The following ENAH variants were observed in gnomAD, a reference collection of about 807,000 sequenced individuals.
ENAH encodes the protein protein enabled homolog.
Under a neutral mutation model 78.7 loss-of-function variants are expected in ENAH, and 23 were observed. The observed-to-expected ratio is 0.29, with a 90% CI of 0.21 to 0.41. The LOEUF (loss-of-function observed/expected upper bound fraction) is 0.41, where lower values mean the gene tolerates loss of function less well. Ranked by LOEUF, ENAH falls within the 10% of genes least tolerant of loss-of-function variation. The pLI is 1.00. For synonymous variants in ENAH, 226 were observed against 241.0 expected, an observed-to-expected ratio of 0.94 and a Z score of 0.58; for missense variants, 544 against 691.0, an observed-to-expected ratio of 0.79 and a Z score of 2.39.
chr1:225,601,157 C>G (rs1053977685), intron 1 of ENAH, among the ~76,000 whole-genome samples: 1 of 152,160 alleles, frequency 6.6e-6, no homozygotes, highest in South Asian at 2.1e-4. Context: ...CAACTCTGTT[C>G]AGACTACTGA....
At chr1:225,562,335 G>A (rs2096710497) in intron 2 of ENAH, among the ~76,000 whole-genome samples, 1 of 151,896 alleles carries the variant, frequency 6.6e-6, no homozygotes, top group African/African-American at 2.4e-5. Flanking sequence ...CACTTTGGGA[G>A]GCTGAGGCGG....
chr1:225,497,913 C>G (rs1575284656), intron 13 of ENAH, 101 bp from the exon 14 acceptor site: 1 of 906,508 alleles, frequency 1.1e-6, no homozygotes, highest in Non-Finnish European at 1.7e-6. Flanking sequence ...CTCAAACTCA[C>G]AGTAATAAGA....
At chr1:225,592,695 C>T (rs953462748) in intron 1 of ENAH, among the ~76,000 whole-genome samples, 15 of 152,168 alleles carry the variant, frequency 9.9e-5, no homozygotes, top group Admixed American at 5.2e-4. Context: ...TTATGAACTG[C>T]TGCTTCTTAT....
At chr1:225,585,274 C>T (rs1308563381) in intron 1 of ENAH, among the ~76,000 whole-genome samples, 1 of 133,920 alleles carries the variant, frequency 7.5e-6, no homozygotes, top group Non-Finnish European at 1.6e-5. Flanking sequence ...GACATTTTCA[C>T]AGTATTAGTT....
chr1:225,605,382 T>C (rs539478751), intron 1 of ENAH, among the ~76,000 whole-genome samples: 1 of 152,294 alleles, frequency 6.6e-6, no homozygotes, highest in East Asian at 1.9e-4. Context: ...CTTAATTTCT[T>C]ACCATCATTC....
chr1:225,515,829 G>A (rs1050653369), intron 6 of ENAH, among the ~76,000 whole-genome samples: 2 of 152,216 alleles, frequency 1.3e-5, no homozygotes, highest in African/African-American at 4.8e-5. Flanking sequence ...TTCTGTAGGG[G>A]TTGTTAAGAG....
chr1:225,514,213 C>T (rs912964807), intron 7 of ENAH, among the ~76,000 whole-genome samples: 1 of 152,078 alleles, frequency 6.6e-6, no homozygotes, highest in Non-Finnish European at 1.5e-5. Flanking sequence ...GTCACCCAGG[C>T]TAGAGCGCAG....
intron 1 of ENAH, among the ~76,000 whole-genome samples, chr1:225,649,833 T>C (rs191459914): frequency 1.3e-5 from 2 of 152,230 alleles, no homozygotes; most frequent in African/African-American, 2.4e-5. Context: ...CTAATAGTTA[T>C]ACCGTAATAT....
At chr1:225,535,313 G>A (rs532722604) in intron 3 of ENAH, among the ~76,000 whole-genome samples, 17 of 152,154 alleles carry the variant, frequency 1.1e-4, no homozygotes, top group East Asian at 3.9e-4. Flanking sequence ...TCTAATGCTC[G>A]CTAACAAGCC....
chr1:225,606,469 A>G (rs1354289816), intron 1 of ENAH, among the ~76,000 whole-genome samples: 1 of 152,008 alleles, frequency 6.6e-6, no homozygotes, highest in Non-Finnish European at 1.5e-5. Flanking sequence ...TCAAAAAAAA[A>G]AAAAAAGGAA....
At chr1:225,581,166 T>C (rs2096815497) in intron 1 of ENAH, 1 of 572,638 alleles carries the variant, frequency 1.7e-6, no homozygotes, top group African/African-American at 2.0e-5. Flanking sequence ...GGAAAACACT[T>C]CACTTGGCAA....
At chr1:225,600,233 C>T (rs1002876908) in intron 1 of ENAH, among the ~76,000 whole-genome samples, 3 of 152,074 alleles carry the variant, frequency 2.0e-5, no homozygotes, top group South Asian at 4.1e-4. Flanking sequence ...TCAACACACA[C>T]GTAGAAAATG....
At chr1:225,574,231 C>T (rs1005117948) in intron 1 of ENAH, among the ~76,000 whole-genome samples, 4 of 152,158 alleles carry the variant, frequency 2.6e-5, no homozygotes, top group Non-Finnish European at 4.4e-5. Context: ...GGTTTCAACT[C>T]GATTCCACAA....
At chr1:225,642,271 G>A (rs1289306876) in intron 1 of ENAH, among the ~76,000 whole-genome samples, 5 of 150,822 alleles carry the variant, frequency 3.3e-5, no homozygotes, top group Admixed American at 2.0e-4. Context: ...CCAATGAATC[G>A]CACCTCTTGA....
chr1:225,517,963 T>C, intron 5 of ENAH: 1 of 1,545,132 alleles, frequency 6.5e-7, no homozygotes, highest in Non-Finnish European at 8.7e-7. Flanking sequence ...AAGTGGAGCG[T>C]TATACAGGGA....
chr1:225,621,370 G>A (rs1460211713), intron 1 of ENAH, among the ~76,000 whole-genome samples: 1 of 149,680 alleles, frequency 6.7e-6, no homozygotes, highest in East Asian at 2.0e-4. Flanking sequence ...TCGGCTCACT[G>A]CAAGCTCCGC....
intron 2 of ENAH, among the ~76,000 whole-genome samples, chr1:225,564,086 G>A (rs1418828402): frequency 2.0e-5 from 3 of 151,556 alleles, no homozygotes; most frequent in African/African-American, 7.3e-5. Context: ...TATTTGTACT[G>A]TTCCTTTTTT....
intron 2 of ENAH, among the ~76,000 whole-genome samples, chr1:225,555,497 G>A (rs2096661930): frequency 6.6e-6 from 1 of 151,880 alleles, no homozygotes; most frequent in South Asian, 2.1e-4. Context: ...CAAGAAAATG[G>A]CGTGAATCCA....
At chr1:225,578,327 T>G (rs1474808213) in intron 1 of ENAH, among the ~76,000 whole-genome samples, 1 of 151,906 alleles carries the variant, frequency 6.6e-6, no homozygotes, top group Non-Finnish European at 1.5e-5. Flanking sequence ...TAAAATAAAT[T>G]AGCCAGGCAC....
Sources: gnomAD v4.1 joint callset for allele counts (sites outside exome capture counted in the v4.1 genomes callset) on GRCh38, gnomAD v4.1.1 for gene constraint, MANE v1.5 for transcripts, NCBI Gene and HGNC (gene_info 2026-07-23, HGNC 2026-07-21) for gene names.